Variants in MAPK9 observed in about 807,000 individuals in gnomAD.
MAPK9 encodes Jun kinase.
Under a neutral mutation model 57.1 loss-of-function variants are expected in MAPK9, and 30 were observed. The ratio of observed to expected loss-of-function variants is 0.53; its 90% CI spans 0.39 to 0.71. The LOEUF (loss-of-function observed/expected upper bound fraction) is 0.71. Ranked by LOEUF, MAPK9 falls within the 30% of genes least tolerant of loss-of-function variation. MAPK9 has a pLI of 0.00. For missense variants in MAPK9, 362 were observed against 521.0 expected, an observed-to-expected ratio of 0.69 and a Z score of 2.97; for synonymous variants, 155 against 177.0, an observed-to-expected ratio of 0.88 and a Z score of 0.99.
intron 10 of MAPK9, among the ~76,000 whole-genome samples, chr5:180,239,291 C>T (rs889391295): frequency 6.6e-6 from 1 of 152,196 alleles, no homozygotes; most frequent in Non-Finnish European, 1.5e-5. Flanking sequence ...TTCGCTGAGG[C>T]CAGTGAGCAT....
At chr5:180,242,863 G>T in intron 7 of MAPK9, 108 bp from the exon 8 acceptor site, 1 of 736,172 alleles carries the variant, frequency 1.4e-6, no homozygotes, top group Non-Finnish European at 2.1e-6. Context: ...CACCCCACTG[G>T]ATCAGCAGCG....
intron 1 of MAPK9, among the ~76,000 whole-genome samples, chr5:180,287,524 C>CA (rs1421408411): frequency 1.3e-5 from 2 of 152,198 alleles, no homozygotes; most frequent in Admixed American, 6.5e-5. Context: ...AGTTCCCTAG[C>CA]ACAGCACAGG....
intron 5 of MAPK9, among the ~76,000 whole-genome samples, chr5:180,261,204 A>G (rs1025743529): frequency 1.3e-5 from 2 of 152,184 alleles, no homozygotes; most frequent in Non-Finnish European, 2.9e-5. Context: ...GCAGAATTTT[A>G]GGATAAGAGA....
intron 5 of MAPK9, chr5:180,253,526 A>G (rs1276090082): frequency 1.3e-5 from 2 of 152,262 alleles, no homozygotes; most frequent in Non-Finnish European, 2.9e-5. Context: ...TTTTCATTTT[A>G]TTGAAAGTCC....
intron 1 of MAPK9, among the ~76,000 whole-genome samples, chr5:180,288,213 T>C (rs1178848877): frequency 6.6e-6 from 1 of 152,214 alleles, no homozygotes; most frequent in African/African-American, 2.4e-5. Context: ...CACATTCAAT[T>C]ACACTGCAGA....
chr5:180,262,715 G>T (rs946972116), intron 4 of MAPK9, among the ~76,000 whole-genome samples: 3 of 152,104 alleles, frequency 2.0e-5, no homozygotes, highest in Non-Finnish European at 4.4e-5. Flanking sequence ...GGGATTACAG[G>T]CATGAGCCAC....
rs980060008 is a variant in MAPK9, at chr5:180,236,484, G to A, written c.1175C>T (p.Ser392Leu). ...GGACATGGATGAAATGTCATTGATCGATGAAGACTGAGAAGGAGTGGCGTT... is the reference window on the plus strand; with the variant it reads ...GGACATGGATGAAATGTCATTGATCAATGAAGACTGAGAAGGAGTGGCGTT... ...SSNATPSQSS[S>L]INDISSMSTE... The change falls in exon 12 of 12, where the codon TCG (serine) becomes TTG (leucine). Residue 392 changes from serine (S) to leucine (L), a missense_variant. Ser to Leu is a moderately radical substitution (Grantham distance 145, BLOSUM62 -2). Coordinates refer to ENST00000452135, the MANE Select transcript of MAPK9 (RefSeq NM_002752.5). 18 of 1,613,878 alleles carry A rather than the reference G, an allele frequency of 1.1e-5. No homozygotes were observed. The highest frequency in any genetic ancestry group is 1.4e-5 in the Non-Finnish European group (17 of 1,179,922).
chr5:180,255,225 T>G (rs1759149514), intron 5 of MAPK9, among the ~76,000 whole-genome samples: 1 of 151,964 alleles, frequency 6.6e-6, no homozygotes, highest in African/African-American at 2.4e-5. Flanking sequence ...CTCAAAAAAT[T>G]TCTCTCCCCT....
In MAPK9 at chr5:180,280,448, C is replaced by A; in HGVS notation, c.114G>T (p.Gly38=). 1 of 1,614,060 alleles carries A rather than the reference C, an allele frequency of 6.2e-7. No individual in the cohort carries two copies. Among genetic ancestry groups the A allele is most frequent in the Non-Finnish European group, 8.5e-7 (1 of 1,179,990 alleles). ...QLKPIGSGAQ[G]IVCAAFDTVL... ...AAACAGACCATACTTACCAAACAATCCCTTGGGCCCCAGAGCCAATTGGTT... is the reference window on the plus strand; with the variant it reads ...AAACAGACCATACTTACCAAACAATACCTTGGGCCCCAGAGCCAATTGGTT... Residue 38 remains glycine, a synonymous_variant, in exon 2 of 12, where the codon GGG becomes GGT. Coordinates refer to ENST00000452135, the MANE Select transcript of MAPK9 (RefSeq NM_002752.5).
intron 1 of MAPK9, among the ~76,000 whole-genome samples, chr5:180,284,318 C>T (rs1051460166): frequency 1.3e-5 from 2 of 152,240 alleles, no homozygotes; most frequent in African/African-American, 4.8e-5. Flanking sequence ...TGCCACCATC[C>T]GTCCAGCACA....
chr5:180,234,202 A>G lies in MAPK9; in HGVS notation c.*2182T>C, dbSNP rs1471778686. 2 of 152,240 alleles carry G rather than the reference A, an allele frequency of 1.3e-5. No individual in the cohort carries two copies. Among genetic ancestry groups the G allele is most frequent in the Non-Finnish European group, 2.9e-5 (2 of 68,036 alleles). 9.4% of individuals were successfully genotyped at this position (152,240 alleles called of 1,614,324 possible). ...ATAAATTACAAAAATAAAATAGAAA[A>G]GATGAAACAGTTGAGCACATTTTTC... On this transcript the variant is annotated 3_prime_UTR_variant, in exon 12 of 12. Transcript: ENST00000452135.
intron 3 of MAPK9, among the ~76,000 whole-genome samples, chr5:180,266,824 A>C (rs1760610974): frequency 6.6e-6 from 1 of 152,278 alleles, no homozygotes; most frequent in African/African-American, 2.4e-5. Context: ...TTTAAACTAG[A>C]AGTGTGTGTA....
chr5:180,289,539 T>C (rs1763049919), intron 1 of MAPK9, among the ~76,000 whole-genome samples: 1 of 152,172 alleles, frequency 6.6e-6, no homozygotes, highest in South Asian at 2.1e-4. Flanking sequence ...ATCTGGGAAG[T>C]GATCTGGGTT....
chr5:180,239,341 G>C (rs570992267), intron 10 of MAPK9, among the ~76,000 whole-genome samples: 23 of 152,212 alleles, frequency 1.5e-4, no homozygotes, highest in African/African-American at 5.1e-4. Flanking sequence ...ATGCACTGCT[G>C]AGCACGGGCA....
intron 3 of MAPK9, among the ~76,000 whole-genome samples, chr5:180,265,204 A>G (rs1019202381): frequency 6.6e-6 from 1 of 152,226 alleles, no homozygotes; most frequent in Non-Finnish European, 1.5e-5. Context: ...TGAAATATGA[A>G]GGCTAAGCTC....
At chr5:180,270,927 A>G (rs1370752910) in intron 2 of MAPK9, among the ~76,000 whole-genome samples, 3 of 152,096 alleles carry the variant, frequency 2.0e-5, no homozygotes, top group Non-Finnish European at 2.9e-5. Context: ...TTTGGTATCA[A>G]AAGTTTTTGT....
chr5:180,245,554 TGGGAG>T (rs1445587447), intron 7 of MAPK9, among the ~76,000 whole-genome samples: 1 of 150,844 alleles, frequency 6.6e-6, no homozygotes, highest in East Asian at 1.9e-4. Context: ...ATCCTACAGG[TGGGAG>T]GGATGGGGGA....
intron 3 of MAPK9, among the ~76,000 whole-genome samples, chr5:180,267,926 T>G (rs551101584): frequency 3.0e-4 from 46 of 152,230 alleles, no homozygotes; most frequent in East Asian, 1.5e-3. Context: ...GCAGTGGTGC[T>G]ATCTCAGCTC....
At chr5:180,288,041 G>A (rs1052473641) in intron 1 of MAPK9, among the ~76,000 whole-genome samples, 6 of 152,144 alleles carry the variant, frequency 3.9e-5, no homozygotes, top group East Asian at 1.9e-4. Context: ...TGCAGCAAGC[G>A]ATTGCACTCA....
Sources: allele counts gnomAD v4.1 joint callset (sites outside exome capture counted in the v4.1 genomes callset), GRCh38; gene constraint gnomAD v4.1.1; transcripts MANE v1.5; gene names NCBI Gene and HGNC (gene_info 2026-07-23, HGNC 2026-07-21).